Variants in SORBS2 observed in about 807,000 individuals in gnomAD.
The protein encoded by SORBS2 is sorbin and SH3 domain-containing protein 2.
SORBS2 carries 46 observed loss-of-function variants against 97.7 expected under a neutral mutation model. That is an observed-to-expected ratio of 0.47 (90% CI 0.37 to 0.60). SORBS2 has a LOEUF of 0.60. SORBS2 is among the 20% of genes least tolerant of loss of function. The probability of loss-of-function intolerance (pLI) is 0.00; values close to 1 mark genes in which losing one functional copy is unlikely to be tolerated. For synonymous variants in SORBS2, 476 were observed against 473.4 expected, an observed-to-expected ratio of 1.01 and a Z score of -0.07; for missense variants, 1,316 against 1,282.3, an observed-to-expected ratio of 1.03 and a Z score of -0.40.
intron 1 of SORBS2, among the ~76,000 whole-genome samples, chr4:185,812,637 A>G (rs2099188794): frequency 6.6e-6 from 1 of 151,970 alleles, no homozygotes; most frequent in East Asian, 1.9e-4. Context: ...GGAGAGTTAC[A>G]CTTTTTGTTT....
chr4:185,646,890 A>T (rs895550085), intron 3 of SORBS2, 108 bp from the exon 13 acceptor site: 5 of 670,562 alleles, frequency 7.5e-6, no homozygotes, highest in African/African-American at 1.8e-5. Context: ...GTTTTAAAAA[A>T]AATCTCTCAG....
rs540643354 is a variant in SORBS2, at chr4:185,597,708, C to A, written c.2797-3773G>T. On this transcript the variant is annotated intron_variant, in intron 12 of 14. Transcript: ENST00000418609. ...CTGGGGAGACTGTCTTTCGCCCTTT[C>A]CCCTTGGTGATGTAACTCAAATGGC... Among the ~76,000 whole-genome samples, 4 of 152,248 alleles carry A rather than the reference C, an allele frequency of 2.6e-5. No homozygotes were observed. The South Asian group carries it at 6.2e-4, about 24-fold the overall frequency.
At chr4:185,856,146 T>C (rs1318802996) in intron 1 of SORBS2, among the ~76,000 whole-genome samples, 1 of 152,190 alleles carries the variant, frequency 6.6e-6, no homozygotes, top group Non-Finnish European at 1.5e-5. Flanking sequence ...TAGTCCAATG[T>C]TCAATTTAAA....
At chr4:185,821,659 G>C (rs1196093321) in intron 1 of SORBS2, among the ~76,000 whole-genome samples, 1 of 152,036 alleles carries the variant, frequency 6.6e-6, no homozygotes, top group Non-Finnish European at 1.5e-5. Context: ...CCTGACCTCA[G>C]GTGATCTGCC....
At chr4:185,701,915 C>T (rs1156280752) in intron 2 of SORBS2, among the ~76,000 whole-genome samples, 1 of 152,026 alleles carries the variant, frequency 6.6e-6, no homozygotes, top group African/African-American at 2.4e-5. Context: ...GGACTACAGG[C>T]ACGTGCCAGC....
At chr4:185,651,849 A>G in intron 2 of SORBS2, 21 bp from the exon 11 acceptor site, 1 of 1,153,248 alleles carries the variant, frequency 8.7e-7, no homozygotes, top group Non-Finnish European at 1.3e-6. Flanking sequence ...AAACATAAAT[A>G]TTATGGTAAT....
At position 185,718,641 on chromosome 4, in the gene SORBS2, T is replaced by C. The variant is rs180940063; in HGVS notation, c.-197-39819A>G. On this transcript the variant is annotated intron_variant, in intron 2 of 20. Transcript: ENST00000284776. Reference sequence around the variant, plus strand: ...CATATCCTGTGCACAAGGACACCTATGTTTATTCCACTTAGAAGTCTGAGG... The same window carrying C: ...CATATCCTGTGCACAAGGACACCTACGTTTATTCCACTTAGAAGTCTGAGG... Among the ~76,000 whole-genome samples, 5 of 152,344 alleles carry C rather than the reference T, an allele frequency of 3.3e-5. No individual in the cohort carries two copies. The East Asian group carries it at 7.7e-4, about 24-fold the overall frequency.
intron 4 of SORBS2, chr4:185,677,280 T>A (rs1194298354): frequency 6.4e-7 from 1 of 1,552,118 alleles, no homozygotes; most frequent in Non-Finnish European, 8.7e-7. Flanking sequence ...ATCCTGGTTA[T>A]GGGTTAGTTT....
intron 1 of SORBS2, among the ~76,000 whole-genome samples, chr4:185,857,312 C>G (rs1006761695): frequency 6.6e-6 from 1 of 152,126 alleles, no homozygotes; most frequent in African/African-American, 2.4e-5. Flanking sequence ...TATCACTTCC[C>G]CAATCAATAC....
rs2096596540 is a variant in SORBS2, at chr4:185,614,384, G to A, written c.2595+447C>T. 2.0e-5 allele frequency among the ~76,000 whole-genome samples: 3 copies of A among 151,830 alleles called. No individual in the cohort carries two copies. The East Asian group carries it at 5.8e-4, about 29-fold the overall frequency. The stretch of plus-strand genomic sequence containing the variant: ...GCACTGCAGAGATGGCTCTTAAAGC[G>A]GCTCCCCCAAGAGGAAGGATCTTCT... On this transcript the variant is annotated intron_variant, in intron 11 of 14. Coordinates refer to ENST00000418609, the Ensembl canonical transcript of SORBS2.
chr4:185,596,116 TTTC>T, intron 12 of SORBS2, among the ~76,000 whole-genome samples: 1 of 152,326 alleles, frequency 6.6e-6, no homozygotes, highest in East Asian at 1.9e-4. Flanking sequence ...GTAAAATATA[TTTC>T]ATTATGCTCT....
chr4:185,648,567 G>T (rs946737488), intron 3 of SORBS2, among the ~76,000 whole-genome samples: 3 of 151,750 alleles, frequency 2.0e-5, no homozygotes, highest in Non-Finnish European at 4.4e-5. Flanking sequence ...GGTACAATAG[G>T]GTGTTGAATA....
intron 1 of SORBS2, among the ~76,000 whole-genome samples, chr4:185,806,489 G>T (rs1186147991): frequency 8.7e-6 from 1 of 115,488 alleles, no homozygotes; most frequent in Non-Finnish European, 1.6e-5. Flanking sequence ...ACGGAGTCTC[G>T]CTCTGTCGCC....
intron 4 of SORBS2, among the ~76,000 whole-genome samples, chr4:185,636,382 C>A (rs1469595877): frequency 1.3e-5 from 2 of 152,130 alleles, no homozygotes; most frequent in East Asian, 3.9e-4. Flanking sequence ...TGAGTCTAAC[C>A]AAGTCTCCTT....
chr4:185,822,494 G>A (rs961110175), intron 1 of SORBS2, among the ~76,000 whole-genome samples: 43 of 152,218 alleles, frequency 2.8e-4, no homozygotes, highest in African/African-American at 9.4e-4. Flanking sequence ...CATATGACAA[G>A]GTTGACACAA....
chr4:185,768,728 A>AAT (rs1481310244), intron 2 of SORBS2, among the ~76,000 whole-genome samples: 6 of 151,896 alleles, frequency 4.0e-5, no homozygotes. Flanking sequence ...AACAAAAAAA[A>AAT]ATGCAAATTT....
At chr4:185,668,703 G>C (rs2097658988) in intron 4 of SORBS2, among the ~76,000 whole-genome samples, 1 of 152,190 alleles carries the variant, frequency 6.6e-6, no homozygotes, top group Non-Finnish European at 1.5e-5. Context: ...CTCAAAAATA[G>C]GGAAAACTGG....
At chr4:185,815,213 T>C (rs1254035668) in intron 1 of SORBS2, among the ~76,000 whole-genome samples, 2 of 152,236 alleles carry the variant, frequency 1.3e-5, no homozygotes, top group Non-Finnish European at 1.5e-5. Flanking sequence ...AAATTGAACA[T>C]CTTTTCATTG....
At chr4:185,593,775 ATGTTAGTT>A (rs2096016298) in intron 13 of SORBS2, 103 bp downstream of exon 25, 1 of 728,742 alleles carries the variant, frequency 1.4e-6, no homozygotes, top group Non-Finnish European at 2.5e-6. Context: ...AAGAGGCCTC[ATGTTAGTT>A]TGATCTTTCA....
Sources: allele counts gnomAD v4.1 joint callset (sites outside exome capture counted in the v4.1 genomes callset), GRCh38; gene constraint gnomAD v4.1.1; transcripts MANE v1.5; gene names NCBI Gene and HGNC (gene_info 2026-07-23, HGNC 2026-07-21).